The following AMOTL1 variants were observed in gnomAD, a reference collection of about 807,000 sequenced individuals.
AMOTL1 encodes angiomotin-like protein 1.
A neutral mutation model predicts 102.9 loss-of-function variants in AMOTL1; 45 were observed. The ratio of observed to expected loss-of-function variants is 0.44; its 90% CI spans 0.34 to 0.56. The LOEUF is 0.56. AMOTL1 is among the 20% of genes least tolerant of loss of function. The pLI is 0.01. For synonymous variants in AMOTL1, 481 were observed against 484.7 expected, an observed-to-expected ratio of 0.99 and a Z score of 0.10; for missense variants, 1,114 against 1,225.6, an observed-to-expected ratio of 0.91 and a Z score of 1.36.
At chr11:94,850,815 C>G (rs1952521442) in intron 7 of AMOTL1, among the ~76,000 whole-genome samples, 2 of 152,144 alleles carry the variant, frequency 1.3e-5, no homozygotes, top group South Asian at 4.1e-4. Flanking sequence ...AGGATCCGTT[C>G]CAGGAAGTAG....
At chr11:94,728,037 T>C (rs977744147) in intron 1 of AMOTL1, among the ~76,000 whole-genome samples, 1 of 152,212 alleles carries the variant, frequency 6.6e-6, no homozygotes, top group African/African-American at 2.4e-5. Flanking sequence ...AAATGATGAT[T>C]GGTGCCTATC....
chr11:94,851,121 G>C (rs891464227), intron 7 of AMOTL1, among the ~76,000 whole-genome samples: 8 of 152,228 alleles, frequency 5.3e-5, no homozygotes, highest in African/African-American at 1.9e-4. Flanking sequence ...ACTAGCATAA[G>C]GCTCCGGGGC....
chr11:94,744,801 C>T (rs1385418517), intron 3 of AMOTL1, among the ~76,000 whole-genome samples: 1 of 151,978 alleles, frequency 6.6e-6, no homozygotes, highest in African/African-American at 2.4e-5. Flanking sequence ...ATGAAATATC[C>T]CATATTCTAT....
chr11:94,813,747 C>T (rs563108250), intron 3 of AMOTL1, among the ~76,000 whole-genome samples: 100 of 152,338 alleles, frequency 6.6e-4, no homozygotes, highest in African/African-American at 6.3e-4. Flanking sequence ...TGCTTTCACC[C>T]CAGGTCACAG....
intron 7 of AMOTL1, among the ~76,000 whole-genome samples, chr11:94,851,676 A>G (rs571469770): frequency 6.6e-6 from 1 of 152,354 alleles, no homozygotes; most frequent in African/African-American, 2.4e-5. Context: ...GACTTTTCTC[A>G]TCTCTAATGG....
chr11:94,763,171 C>G (rs891134430), intron 3 of AMOTL1, among the ~76,000 whole-genome samples: 1 of 152,182 alleles, frequency 6.6e-6, no homozygotes, highest in African/African-American at 2.4e-5. Flanking sequence ...AGTGTCGTAC[C>G]TTGTGTATCT....
chr11:94,848,051 T>G (rs1244279338), intron 6 of AMOTL1, among the ~76,000 whole-genome samples: 10 of 152,168 alleles, frequency 6.6e-5, no homozygotes, highest in Non-Finnish European at 1.5e-4. Context: ...CTGAGTGCCC[T>G]CCAGAGCTTG....
chr11:94,750,876 C>T (rs1211660965), intron 3 of AMOTL1, among the ~76,000 whole-genome samples: 1 of 152,180 alleles, frequency 6.6e-6, no homozygotes, highest in Non-Finnish European at 1.5e-5. Context: ...CATGATTAAT[C>T]TTGTTGGGCA....
At chr11:94,725,512 A>G (rs1950243409) in intron 1 of AMOTL1, among the ~76,000 whole-genome samples, 1 of 152,176 alleles carries the variant, frequency 6.6e-6, no homozygotes, top group African/African-American at 2.4e-5. Flanking sequence ...TTAGGGTCAA[A>G]TAAAAATAAG....
At chr11:94,867,268 A>T (rs1952903194) in intron 11 of AMOTL1, among the ~76,000 whole-genome samples, 1 of 152,192 alleles carries the variant, frequency 6.6e-6, no homozygotes, top group Non-Finnish European at 1.5e-5. Flanking sequence ...AATGCACTTC[A>T]AAGAAGACGT....
chr11:94,861,032 A>G (rs1040269317), intron 9 of AMOTL1, among the ~76,000 whole-genome samples: 3 of 152,216 alleles, frequency 2.0e-5, no homozygotes, highest in African/African-American at 7.2e-5. Flanking sequence ...GTGCCACAGC[A>G]CACTTGCACC....
Position 94,873,768 on chromosome 11 carries a change from C to CGTGT in AMOTL1, c.*2974_*2977dup, listed in dbSNP as rs1565393213. 38 of 145,962 alleles carry CGTGT rather than the reference C, an allele frequency of 2.6e-4. No individual in the cohort carries two copies. The highest frequency in any genetic ancestry group is 3.4e-3 in the Middle Eastern group (1 of 290). The allele number at this position is 145,962 out of a possible 1,614,324, so 9.0% of individuals were successfully genotyped here. A position where few individuals can be genotyped will look rare whatever the true frequency, so the allele number is the denominator to read the frequency against. ...TGCCTGTCTGTGATGTGTGTGTGCACGTGTAACTACACACACACACACACA... is the reference window on the plus strand; with the variant it reads ...TGCCTGTCTGTGATGTGTGTGTGCACGTGTGTGTAACTACACACACACACACACA... On this transcript the variant is annotated 3_prime_UTR_variant, in exon 13 of 13. Transcript: ENST00000433060.
At chr11:94,804,053 C>T (rs1440105186) in intron 3 of AMOTL1, among the ~76,000 whole-genome samples, 1 of 152,118 alleles carries the variant, frequency 6.6e-6, no homozygotes, top group African/African-American at 2.4e-5. Flanking sequence ...ATACCATTTA[C>T]ACCATTTTCT....
intron 1 of AMOTL1, among the ~76,000 whole-genome samples, chr11:94,722,558 T>C (rs553580239): frequency 1.3e-5 from 2 of 152,304 alleles, no homozygotes; most frequent in South Asian, 2.1e-4. Flanking sequence ...AGTGATGTTA[T>C]ATACCTTGCT....
chr11:94,830,059 G>C lies in AMOTL1; in HGVS notation c.1423G>C (p.Glu475Gln), dbSNP rs765391463. The change falls in exon 5 of 13, where the codon GAA becomes CAA. Residue 475 changes from glutamate (E) to glutamine (Q), a missense_variant. Transcript: ENST00000433060. ...NADKLHKFEK[E>Q]LQRISEAYES... is the part of the protein sequence containing the mutation. ...CAGTTCTTTCTTTTAGTTTGAAAAA[G>C]AACTTCAGAGAATTTCGGAAGCCTA... The C allele has an allele frequency of 1.3e-6, 2 of 1,594,032 alleles. No homozygotes were observed. Among genetic ancestry groups the C allele is most frequent in the Non-Finnish European group, 8.5e-7 (1 of 1,172,572 alleles).
At chr11:94,710,878 AC>A (rs1950013326) in intron 1 of AMOTL1, among the ~76,000 whole-genome samples, 2 of 152,116 alleles carry the variant, frequency 1.3e-5, no homozygotes. Flanking sequence ...TCCTGTTCTT[AC>A]CTTCCACTCT....
chr11:94,771,975 G>A (rs1950959998), intron 1 of AMOTL1, among the ~76,000 whole-genome samples: 1 of 152,194 alleles, frequency 6.6e-6, no homozygotes, highest in African/African-American at 2.4e-5. Context: ...CAATATTGCA[G>A]CTATATACCT....
At chr11:94,793,885 C>G (rs1391867150) in intron 1 of AMOTL1, among the ~76,000 whole-genome samples, 1 of 152,190 alleles carries the variant, frequency 6.6e-6, no homozygotes, top group African/African-American at 2.4e-5. Flanking sequence ...AATCCTTTCT[C>G]TTTCTAGTCC....
chr11:94,828,809 G>A (rs1952016929), intron 4 of AMOTL1, among the ~76,000 whole-genome samples: 2 of 152,138 alleles, frequency 1.3e-5, no homozygotes, highest in South Asian at 4.1e-4. Context: ...GCTGTCTTAT[G>A]GAAGGACTGA....
Sources: allele counts gnomAD v4.1 joint callset (sites outside exome capture counted in the v4.1 genomes callset), GRCh38; gene constraint gnomAD v4.1.1; transcripts MANE v1.5; gene names NCBI Gene and HGNC (gene_info 2026-07-23, HGNC 2026-07-21).